SI: variants seen among roughly 807,000 people sequenced by gnomAD.
The protein encoded by SI is sucrase-isomaltase.
SI carries 235 observed loss-of-function variants against 253.3 expected under a neutral mutation model. The observed-to-expected ratio is 0.93, with a 90% CI of 0.83 to 1.03. The LOEUF is 1.03. Among genes scored for constraint, SI ranks in the 50% least tolerant of loss-of-function variants. SI has a pLI of 0.00. For missense variants in SI, 2,442 were observed against 2,211.1 expected (o/e 1.10, Z -2.09); for synonymous variants, 819 against 712.0 (o/e 1.15, Z -2.39).
chr3:164,986,382 A>G (rs1717436846), intron 45 of SI, among the ~76,000 whole-genome samples: 1 of 152,212 alleles, frequency 6.6e-6, no homozygotes, highest in South Asian at 2.1e-4. Flanking sequence ...ACAGCTGGCC[A>G]TGAAGAAGTT....
the SI span, among the ~76,000 whole-genome samples, chr3:165,085,497 T>C: frequency 6.6e-6 from 1 of 152,280 alleles, no homozygotes; most frequent in South Asian, 2.1e-4. Context: ...CTCAAATGTT[T>C]TCTAAGCCAA....
At position 165,075,970 on chromosome 3, in the gene SI, C is replaced by A. The variant is rs9290264; in HGVS notation, c.43G>T (p.Val15Phe). 438,335 of 1,572,826 alleles carry A rather than the reference C, an allele frequency of 0.28. 64,846 individuals carry two copies. The highest frequency in any genetic ancestry group is 0.3 in the Non-Finnish European group (343,513 of 1,146,932). Reference sequence around the variant, plus strand: ...ATTATAGTAACTATGACAAAAAGGACAATCAGAGAGATTTCCAATCCACTA... The same window carrying A: ...ATTATAGTAACTATGACAAAAAGGAAAATCAGAGAGATTTCCAATCCACTA... ...KFSGLEISLIVLFVIVTIIAI... is the reference protein window; with the variant it reads ...KFSGLEISLIFLFVIVTIIAI... Residue 15 changes from valine to phenylalanine, a missense_variant, in exon 2 of 48, where the codon GTC becomes TTC. Physicochemically the swap from Val to Phe is conservative, Grantham distance 50. Coordinates refer to ENST00000264382, the MANE Select transcript of SI (RefSeq NM_001041.4).
At position 165,007,958 on chromosome 3, in the gene SI, G is replaced by A; in HGVS notation, c.4220C>T (p.Thr1407Ile). Residue 1407 changes from threonine to isoleucine, a missense_variant, in exon 36 of 48, where the codon ACT becomes ATT. Physicochemically the swap from Thr to Ile is moderately conservative, Grantham distance 89. Transcript: ENST00000264382. Reference protein sequence around the residue: ...EPSSFVNGTTTNQCRNDELNY... With the variant: ...EPSSFVNGTTINQCRNDELNY... ...TAGTTCGTCATTTCTGCATTGATTA[G>A]TAGTTGTTCCATTTACAAAACTTGA... 3 of 1,602,440 alleles carry A rather than the reference G, an allele frequency of 1.9e-6. No homozygotes were observed. Among genetic ancestry groups the A allele is most frequent in the Non-Finnish European group, 2.6e-6 (3 of 1,170,688 alleles).
At chr3:165,006,625 TA>T (rs1364332002) in intron 37 of SI, among the ~76,000 whole-genome samples, 190 bp downstream of exon 37, 1 of 152,036 alleles carries the variant, frequency 6.6e-6, no homozygotes, top group African/African-American at 2.4e-5. Flanking sequence ...ATAATAACAA[TA>T]AAGATATTTA....
chr3:165,064,953 G>A (rs1024301794), intron 7 of SI, among the ~76,000 whole-genome samples: 1 of 152,070 alleles, frequency 6.6e-6, no homozygotes, highest in Admixed American at 6.6e-5. Flanking sequence ...TAGTGCAATA[G>A]CTAGCTATTG....
intron 3 of SI, among the ~76,000 whole-genome samples, chr3:165,071,073 G>T (rs750907961): frequency 6.6e-6 from 1 of 151,958 alleles, no homozygotes. Context: ...GTCATTCGAC[G>T]CAAGGCCCAA....
intron 33 of SI, among the ~76,000 whole-genome samples, chr3:165,014,141 T>C (rs892181307): frequency 3.9e-5 from 6 of 152,230 alleles, no homozygotes; most frequent in Non-Finnish European, 8.8e-5. Flanking sequence ...TTATTGAACA[T>C]GTTTGCATTT....
chr3:165,046,812 A>C (rs960325733), intron 16 of SI, 29 bp downstream of exon 16: 1 of 1,556,304 alleles, frequency 6.4e-7, no homozygotes, highest in Non-Finnish European at 8.9e-7. Flanking sequence ...TGTAGCTTTT[A>C]TGAGTAACAC....
Position 165,062,426 on chromosome 3 carries a change from T to A in SI, c.965A>T (p.Asp322Val), listed in dbSNP as rs751813346. 7.5e-6 allele frequency: 12 copies of A among 1,606,840 alleles called. No individual in the cohort carries two copies. Among genetic ancestry groups the A allele is most frequent in the Middle Eastern group, 1.7e-4 (1 of 6,010 alleles). Residue 322 changes from aspartate to valine, a missense_variant, in exon 9 of 48, where the codon GAT becomes GTT. By Grantham distance (152) the Asp-to-Val change is radical. Coordinates refer to ENST00000264382, the MANE Select transcript of SI (RefSeq NM_001041.4). ...VTYRVTGGIL[D>V]FYILLGDTPE... is the part of the protein sequence containing the mutation. ...TGTATCTCCTAGAAGGATGTAAAAA[T>A]CCAGAATGCCACCGGTAACTCTATA...
In SI at chr3:165,060,442, A is replaced by G. The variant is rs572222647; in HGVS notation, c.1021-415T>C. ...TACAAGAAAAACAGAAAAGATGTTT[A>G]AAAGTACAGAATTTCTGTTTCCTTA... On this transcript the variant is annotated intron_variant, in intron 9 of 47. Transcript: ENST00000264382. 5.3e-5 allele frequency among the ~76,000 whole-genome samples: 8 copies of G among 152,136 alleles called. No individual in the cohort carries two copies. In the East Asian group the frequency reaches 7.7e-4, roughly 15 times the overall value.
chr3:165,011,121 T>A (rs986185185), intron 34 of SI, among the ~76,000 whole-genome samples: 2 of 152,138 alleles, frequency 1.3e-5, no homozygotes, highest in Non-Finnish European at 1.5e-5. Flanking sequence ...TTCTTTTAAT[T>A]TTTACTCCTC....
chr3:165,041,508 T>C (rs1307493320), intron 17 of SI, among the ~76,000 whole-genome samples: 1 of 151,966 alleles, frequency 6.6e-6, no homozygotes, highest in African/African-American at 2.4e-5. Flanking sequence ...CTCTGGCCAA[T>C]AGGATGTTAT....
chr3:165,079,706 G>A (rs888571260), upstream of SI, among the ~76,000 whole-genome samples: 20 of 151,658 alleles, frequency 1.3e-4, no homozygotes, highest in African/African-American at 4.6e-4. Flanking sequence ...GCAAAGCAAG[G>A]TCACAGGATA....
chr3:165,069,215 G>T lies in SI; in HGVS notation c.256-20C>A. On this transcript the variant is annotated intron_variant, in intron 3 of 47. Transcript: ENST00000264382. Reference sequence around the variant, plus strand: ...AATTCCCTGATAAAATATTTTTAAAGGAATTATATAATTACTACTATTATC... The same window carrying T: ...AATTCCCTGATAAAATATTTTTAAATGAATTATATAATTACTACTATTATC... 6.8e-7 allele frequency: 1 copy of T among 1,465,498 alleles called. No individual in the cohort carries two copies. The highest frequency in any genetic ancestry group is 9.6e-7 in the Non-Finnish European group (1 of 1,046,262). 90.8% of individuals were successfully genotyped at this position (1,465,498 alleles called of 1,614,324 possible). A position where few individuals can be genotyped will look rare whatever the true frequency, so the allele number is the denominator to read the frequency against.
chr3:165,052,705 G>A (rs1576911499), intron 13 of SI, among the ~76,000 whole-genome samples: 1 of 152,034 alleles, frequency 6.6e-6, no homozygotes, highest in Middle Eastern at 3.4e-3. Context: ...TGTACCTCAA[G>A]TTTCTTTAAA....
At chr3:165,041,735 G>A (rs1207128004) in intron 17 of SI, among the ~76,000 whole-genome samples, 1 of 152,004 alleles carries the variant, frequency 6.6e-6, no homozygotes, top group Non-Finnish European at 1.5e-5. Flanking sequence ...ACACTGATAT[G>A]GACAAGCCTG....
chr3:165,077,054 C>T (rs1560023383), intron 1 of SI, among the ~76,000 whole-genome samples: 1 of 149,916 alleles, frequency 6.7e-6, no homozygotes. Flanking sequence ...GTTGTCCCAA[C>T]CTAAACACCT....
At chr3:165,027,521 A>G (rs963262650) in intron 25 of SI, among the ~76,000 whole-genome samples, 6 of 151,492 alleles carry the variant, frequency 4.0e-5, no homozygotes, top group African/African-American at 1.4e-4. Flanking sequence ...CTACAGACCA[A>G]TATCCCTGGG....
intron 15 of SI, among the ~76,000 whole-genome samples, chr3:165,048,310 T>C (rs1457625953): frequency 1.3e-5 from 2 of 151,914 alleles, no homozygotes; most frequent in South Asian, 2.1e-4. Context: ...TCTTCTTTTG[T>C]TTTGTATCAT....
Sources: allele counts gnomAD v4.1 joint callset (sites outside exome capture counted in the v4.1 genomes callset), GRCh38; gene constraint gnomAD v4.1.1; transcripts MANE v1.5; gene names NCBI Gene and HGNC (gene_info 2026-07-23, HGNC 2026-07-21).